The following KIF1A variants were observed in gnomAD, a reference collection of about 807,000 sequenced individuals.
The protein encoded by KIF1A is kinesin-like protein KIF1A.
KIF1A carries 46 observed loss-of-function variants against 227.3 expected under a neutral mutation model. The observed-to-expected ratio is 0.20, with a 90% CI of 0.16 to 0.26. The LOEUF (loss-of-function observed/expected upper bound fraction) is 0.26, where lower values mean the gene tolerates loss of function less well. Among genes scored for constraint, KIF1A ranks in the 10% least tolerant of loss-of-function variants. The pLI, the probability that KIF1A is intolerant of heterozygous loss-of-function variation, is 1.00. For synonymous variants in KIF1A, 1,022 were observed against 1,012.8 expected (o/e 1.01, Z -0.17); for missense variants, 1,683 against 2,485.9 (o/e 0.68, Z 6.87).
chr2:240,724,385 A>G, intron 40 of KIF1A: 1 of 368,980 alleles, frequency 2.7e-6, no homozygotes, highest in South Asian at 2.4e-5. Flanking sequence ...AGAGCCCCTC[A>G]GGCCCCATAC....
chr2:240,728,147 C>G (rs978475590), intron 38 of KIF1A, among the ~76,000 whole-genome samples: 3 of 152,176 alleles, frequency 2.0e-5, no homozygotes, highest in Non-Finnish European at 4.4e-5. Flanking sequence ...GCTGCCCTGT[C>G]TACTGCACAC....
At position 240,766,674 on chromosome 2, in the gene KIF1A, T is replaced by C. The variant is rs911780631; in HGVS notation, c.1684+241A>G. On this transcript the variant is annotated intron_variant, in intron 19 of 48. Transcript: ENST00000498729. This position sits in a 1 kb window ranked among gnomAD's most constrained non-coding sequence, Gnocchi z 5.0. ...GGCATTTTCCCAAGCACCAACCTAA[T>C]GGAAGTTGTTTTTAAGGCTGGCCCC... 8.6e-5 allele frequency among the ~76,000 whole-genome samples: 13 copies of C among 151,446 alleles called. No homozygotes were observed. Among genetic ancestry groups the C allele is most frequent in the East Asian group, 1.9e-4 (1 of 5,148 alleles).
In KIF1A at chr2:240,778,804, C is replaced by T. The variant is rs113513510; in HGVS notation, c.883-2878G>A. On this transcript the variant is annotated intron_variant, in intron 10 of 48. Coordinates refer to ENST00000498729, the MANE Select transcript of KIF1A (RefSeq NM_001244008.2). The surrounding 1 kb of genome is among the most constrained non-coding windows in gnomAD (Gnocchi z 7.2). ...ACACACGGTTCCTCACCGCTCCCCA[C>T]GTTTCCCAAACAGCTCCTCCCGCCA... is the stretch of plus-strand genomic sequence containing the variant. Among the ~76,000 whole-genome samples, 4,629 of 152,056 alleles carry T rather than the reference C, an allele frequency of 0.03. 246 individuals are homozygous for T. The highest frequency in any genetic ancestry group is 0.11 in the African/African-American group (4,372 of 41,414).
intron 29 of KIF1A, 84 bp from the exon 30 acceptor site, chr2:240,746,261 G>C: frequency 6.7e-7 from 1 of 1,491,918 alleles, no homozygotes; most frequent in Non-Finnish European, 9.0e-7. Context: ...GCCCACGGGA[G>C]GGCTGTGCCA....
chr2:240,780,036 A>G (rs2053418651), intron 10 of KIF1A, among the ~76,000 whole-genome samples: 1 of 152,032 alleles, frequency 6.6e-6, no homozygotes, highest in South Asian at 2.1e-4. Flanking sequence ...AGATCCTCTC[A>G]CAGTGCCTCA....
At position 240,786,519 on chromosome 2, in the gene KIF1A, G is replaced by A. The variant is rs779060298; in HGVS notation, c.430-6C>T. 1.2e-5 allele frequency: 20 copies of A among 1,612,338 alleles called. No homozygotes were observed. The East Asian group carries it at 4.2e-4, about 34-fold the overall frequency. ...TAAATCTCCATGTAGCTGACCTGCAGGGCAGAGCCAGGCCATCAGGGGCCC... is the reference window on the plus strand; with the variant it reads ...TAAATCTCCATGTAGCTGACCTGCAAGGCAGAGCCAGGCCATCAGGGGCCC... On this transcript the variant is annotated splice_region_variant and splice_polypyrimidine_tract_variant and intron_variant, in intron 5 of 48. Transcript: ENST00000498729.
intron 1 of KIF1A, 41 bp from the exon 2 acceptor site, chr2:240,797,853 G>T: frequency 1.4e-6 from 1 of 732,392 alleles, no homozygotes; most frequent in Non-Finnish European, 2.3e-6. Context: ...CAATATCTGA[G>T]GAGGCAGGAC....
intron 12 of KIF1A, 97 bp from the exon 13 acceptor site, chr2:240,773,353 G>A: frequency 6.8e-7 from 1 of 1,480,724 alleles, no homozygotes; most frequent in Admixed American, 1.8e-5. Flanking sequence ...CCAGCCTTTT[G>A]GGCTCAGCAG....
At chr2:240,782,652 TGGCGCGGGCTGTGGG>T in intron 9 of KIF1A, 45 bp from the exon 10 acceptor site, 1 of 1,548,668 alleles carries the variant, frequency 6.5e-7, no homozygotes, top group Non-Finnish European at 8.7e-7. Flanking sequence ...GGAGCGAAGC[TGGCGCGGGCTGTGGG>T]GGCGGAAGAG....
In KIF1A at chr2:240,757,520, G is replaced by A. The variant is rs1169879960; in HGVS notation, c.2657C>T (p.Pro886Leu). ...GTCGGGGCTCGAGAAGGTGGGGGAG[G>A]GGGTGAGAGCAGCCATGCGCTCGCT... The part of the protein sequence containing the change: ...CMSERMAALT[P>L]SPTFSSPDSD... The change falls in exon 27 of 49, where the codon CCC becomes CTC. Residue 886 changes from proline (P) to leucine (L), a missense_variant. Physicochemically the swap from Pro to Leu is moderately conservative, Grantham distance 98. Transcript: ENST00000498729. This position sits in a 1 kb window ranked among gnomAD's most constrained non-coding sequence, Gnocchi z 6.2. 1 of 1,550,462 alleles carries A rather than the reference G, an allele frequency of 6.4e-7. No homozygotes were observed. Among genetic ancestry groups the A allele is most frequent in the Non-Finnish European group, 8.7e-7 (1 of 1,147,002 alleles).
At chr2:240,780,802 A>ACACACACACACACACAGCTC (rs2053605474) in intron 10 of KIF1A, among the ~76,000 whole-genome samples, 1 of 52,880 alleles carries the variant, frequency 1.9e-5, no homozygotes, top group African/African-American at 1.1e-4. Context: ...ACAGCTCCAC[A>ACACACACACACACACAGCTC]CACACACACA....
chr2:240,721,678 C>CA (rs1446018943), intron 44 of KIF1A, 129 bp downstream of exon 44: 4 of 768,990 alleles, frequency 5.2e-6, no homozygotes, highest in Middle Eastern at 2.3e-4. Context: ...TGTCCCTCTG[C>CA]ACTGAGACGT....
chr2:240,760,533 A>G, intron 25 of KIF1A, 132 bp downstream of exon 25: 4 of 596,090 alleles, frequency 6.7e-6, no homozygotes, highest in Non-Finnish European at 1.1e-5. Context: ...TGATTTTAAA[A>G]TAATTGGAAC....
rs1054946027 is a variant in KIF1A, at chr2:240,726,647, G to A, written c.4122+179C>T. ...ACAGCACATGGATTTATGGATTTAT[G>A]GATTCAACCTTGCAGTCCAGTTTTT... On this transcript the variant is annotated intron_variant, in intron 39 of 48. Transcript: ENST00000498729. The surrounding 1 kb of genome is among the most constrained non-coding windows in gnomAD (Gnocchi z 5.2). Among the ~76,000 whole-genome samples, 1 of 152,082 alleles carries A rather than the reference G, an allele frequency of 6.6e-6. No individual in the cohort carries two copies. Among genetic ancestry groups the A allele is most frequent in the African/African-American group, 2.4e-5 (1 of 41,426 alleles).
chr2:240,760,988 G>A (rs1032754370), intron 24 of KIF1A, 145 bp from the exon 25 acceptor site: 9 of 929,920 alleles, frequency 9.7e-6, no homozygotes, highest in African/African-American at 3.4e-5. Flanking sequence ...CCGCCAGGGG[G>A]GACCACCTAC....
In KIF1A at chr2:240,757,232, G is replaced by A; in HGVS notation, c.2858+87C>T. 7.4e-7 allele frequency: 1 copy of A among 1,355,412 alleles called. No homozygotes were observed. Among genetic ancestry groups the A allele is most frequent in the Non-Finnish European group, 1.0e-6 (1 of 982,608 alleles). The allele number at this position is 1,355,412 out of a possible 1,614,324, so 84.0% of individuals were successfully genotyped here. ...CCTGCCCTGGGAGGGCCCGGGCCAGGCCCCAGCGGTTCCTCTGTGCCCGCA... is the reference window on the plus strand; with the variant it reads ...CCTGCCCTGGGAGGGCCCGGGCCAGACCCCAGCGGTTCCTCTGTGCCCGCA... On this transcript the variant is annotated intron_variant, in intron 27 of 48. Coordinates refer to ENST00000498729, the MANE Select transcript of KIF1A (RefSeq NM_001244008.2). This position sits in a 1 kb window ranked among gnomAD's most constrained non-coding sequence, Gnocchi z 6.2.
intron 20 of KIF1A, among the ~76,000 whole-genome samples, chr2:240,764,602 C>T (rs1300686295): frequency 6.6e-6 from 1 of 152,164 alleles, no homozygotes. Flanking sequence ...ACCCCCTCTG[C>T]TTTCCCCTAA....
Position 240,787,276 on chromosome 2 carries a change from T to C in KIF1A, c.404A>G (p.Asn135Ser), listed in dbSNP as rs1169505368. Residue 135 changes from asparagine (N) to serine (S), a missense_variant, in exon 5 of 49, where the codon AAC becomes AGC. Coordinates refer to ENST00000498729, the MANE Select transcript of KIF1A (RefSeq NM_001244008.2). ...DLFSRINDTT[N>S]DNMSYSVEVS... The stretch of plus-strand genomic sequence containing the variant: ...CTCCACGGAGTAGGACATGTTGTCG[T>C]TGGTCGTGTCGTTGATCCGAGAGAA... The C allele has an allele frequency of 6.2e-7, 1 of 1,613,268 alleles. No homozygotes were observed. The highest frequency in any genetic ancestry group is 2.2e-5 in the East Asian group (1 of 44,856).
intron 12 of KIF1A, 100 bp from the exon 13 acceptor site, chr2:240,773,356 C>A: frequency 6.8e-7 from 1 of 1,472,508 alleles, no homozygotes; most frequent in South Asian, 1.2e-5. Flanking sequence ...GCCTTTTGGG[C>A]TCAGCAGCCA....
Sources: gnomAD v4.1 joint callset for allele counts (sites outside exome capture counted in the v4.1 genomes callset) on GRCh38, gnomAD v4.1.1 for gene constraint, Gnocchi (gnomAD v3.1) non-coding constraint, MANE v1.5 for transcripts, NCBI Gene and HGNC (gene_info 2026-07-23, HGNC 2026-07-21) for gene names.